Variants in PCDHA1 observed in about 807,000 individuals in gnomAD.
The protein encoded by PCDHA1 is protocadherin alpha 1, also known as protocadherin alpha-1.
In PCDHA1, 42 loss-of-function variants were observed where a neutral mutation model predicts 61.3. That is an observed-to-expected ratio of 0.69 (90% confidence interval 0.54 to 0.89). PCDHA1 has a LOEUF of 0.89. Among genes scored for constraint, PCDHA1 ranks in the 40% least tolerant of loss-of-function variants. PCDHA1 has a pLI of 0.00. For missense variants in PCDHA1, 1,256 were observed against 1,235.3 expected (o/e 1.02, Z -0.25); for synonymous variants, 610 against 553.8 (o/e 1.10, Z -1.43).
intron 1 of PCDHA1, among the ~76,000 whole-genome samples, chr5:140,953,076 T>C (rs1276914822): frequency 6.6e-6 from 1 of 152,106 alleles, no homozygotes; most frequent in East Asian, 1.9e-4. Flanking sequence ...ATCTCCAACA[T>C]TGGGGATTAC....
intron 1 of PCDHA1, chr5:140,821,762 G>C: frequency 6.3e-7 from 1 of 1,588,934 alleles, no homozygotes; most frequent in Non-Finnish European, 8.6e-7. Flanking sequence ...GCTCATAATT[G>C]GAACGAGATT....
Position 140,928,034 on chromosome 5 carries a change from G to T in PCDHA1, c.2395-50915G>T. 3 of 1,614,206 alleles carry T rather than the reference G, an allele frequency of 1.9e-6. No homozygotes were observed. Among genetic ancestry groups the T allele is most frequent in the Non-Finnish European group, 2.5e-6 (3 of 1,180,036 alleles). Reference sequence around the variant, plus strand: ...GGTAGGGTCATTTGTGGCATGTCTAGTGCAGGCCCTTTTCAGCTGACGGCT... The same window carrying T: ...GGTAGGGTCATTTGTGGCATGTCTATTGCAGGCCCTTTTCAGCTGACGGCT... On this transcript the variant is annotated intron_variant, in intron 1 of 3. Transcript: ENST00000504120.
At position 140,786,303 on chromosome 5, in the gene PCDHA1, A is replaced by G. The variant is rs781856716; in HGVS notation, c.13A>G (p.Arg5Gly). The G allele has an allele frequency of 1.9e-6, 3 of 1,606,154 alleles. No homozygotes were observed. The highest frequency in any genetic ancestry group is 2.6e-6 in the Non-Finnish European group (3 of 1,176,140). MVFS[R>G]RGGLGARDLL... is the part of the protein sequence containing the mutation. ...TAGTCCTTTTGCAATGGTGTTTTCT[A>G]GGAGAGGGGGCCTGGGAGCCCGGGA... Residue 5 changes from arginine to glycine, a missense_variant, in exon 1 of 4, where the codon AGG (arginine) becomes GGG (glycine). Coordinates refer to ENST00000504120, the MANE Select transcript of PCDHA1 (RefSeq NM_018900.4).
At chr5:140,927,956 C>G in intron 1 of PCDHA1, 1 of 1,614,224 alleles carries the variant, frequency 6.2e-7, no homozygotes. Flanking sequence ...GACGCTGCCC[C>G]TGGCACAGTG....
At chr5:140,871,659 T>C (rs2153275031) in intron 1 of PCDHA1, 1 of 1,218,398 alleles carries the variant, frequency 8.2e-7, no homozygotes, top group Non-Finnish European at 1.1e-6. Context: ...GATACACATC[T>C]TCAGTCTTTT....
intron 1 of PCDHA1, among the ~76,000 whole-genome samples, chr5:140,948,792 T>C (rs1215416836): frequency 6.6e-6 from 1 of 151,646 alleles, no homozygotes; most frequent in Non-Finnish European, 1.5e-5. Context: ...TTTGTTGATA[T>C]ATTTTCTATT....
At chr5:140,892,349 T>C (rs1266203354) in intron 1 of PCDHA1, among the ~76,000 whole-genome samples, 2 of 152,248 alleles carry the variant, frequency 1.3e-5, no homozygotes, top group Admixed American at 6.5e-5. Context: ...TAATTGACTT[T>C]TGCCAGGCAT....
At chr5:140,799,914 T>G (rs1581635335) in intron 1 of PCDHA1, among the ~76,000 whole-genome samples, 1 of 152,140 alleles carries the variant, frequency 6.6e-6, no homozygotes, top group East Asian at 1.9e-4. Context: ...GCGGCGAGAA[T>G]TCATGCTTCT....
At chr5:140,862,999 C>T (rs547997534) in intron 1 of PCDHA1, 28 of 550,142 alleles carry the variant, frequency 5.1e-5, no homozygotes, top group African/African-American at 4.9e-4. Context: ...GCACGGTGGA[C>T]TCCAGCTATG....
intron 1 of PCDHA1, among the ~76,000 whole-genome samples, chr5:140,845,100 T>G (rs1393397461): frequency 1.3e-5 from 2 of 149,736 alleles, no homozygotes; most frequent in Non-Finnish European, 3.0e-5. Flanking sequence ...TACAGTTCTC[T>G]TAATGCCTGT....
chr5:140,861,756 T>C (rs1158733756), intron 1 of PCDHA1: 1 of 108,868 alleles, frequency 9.2e-6, no homozygotes, highest in Non-Finnish European at 1.9e-5. Context: ...AATGATTATT[T>C]TTCCCTGGAA....
intron 1 of PCDHA1, chr5:140,852,361 T>A (rs1235352793): frequency 4.9e-6 from 1 of 205,518 alleles, no homozygotes; most frequent in East Asian, 1.9e-4. Context: ...CACTGCAACG[T>A]CTGCCTCCTG....
At position 140,787,431 on chromosome 5, in the gene PCDHA1, G is replaced by A; in HGVS notation, c.1141G>A (p.Ala381Thr). 6.2e-7 allele frequency: 1 copy of A among 1,614,218 alleles called. No homozygotes were observed. The highest frequency in any genetic ancestry group is 8.5e-7 in the Non-Finnish European group (1 of 1,180,026). ...LITVSDRDSG[A>T]NGQVTCSLMP... ...CACCGTGTCTGACCGTGACTCAGGT[G>A]CCAACGGGCAGGTGACTTGCTCCTT... Residue 381 changes from alanine (A) to threonine (T), a missense_variant, in exon 1 of 4, where the codon GCC becomes ACC. Coordinates refer to ENST00000504120, the MANE Select transcript of PCDHA1 (RefSeq NM_018900.4).
intron 1 of PCDHA1, chr5:140,853,754 A>G: frequency 1.0e-6 from 1 of 988,728 alleles, no homozygotes; most frequent in Non-Finnish European, 1.2e-6. Context: ...TCAAGGCTCC[A>G]CCTCAGAAAT....
rs1298083559 is a variant in PCDHA1, at chr5:140,858,734, T to C, written c.2394+70050T>C. ...ATAGGTTGCAGTTCTGACGATTTAC[T>C]TTCATAATCACTTTTCGTTACAAAT... On this transcript the variant is annotated intron_variant, in intron 1 of 3. Coordinates refer to ENST00000504120, the MANE Select transcript of PCDHA1 (RefSeq NM_018900.4). The C allele has an allele frequency of 1.7e-5, 8 of 476,746 alleles. 1 individual carries two copies. Among genetic ancestry groups the C allele is most frequent in the East Asian group, 3.2e-5 (1 of 30,834 alleles). 29.5% of individuals were successfully genotyped at this position (476,746 alleles called of 1,614,324 possible).
At chr5:140,829,687 G>A (rs2150172545) in intron 1 of PCDHA1, 3 of 1,613,340 alleles carry the variant, frequency 1.9e-6, no homozygotes, top group East Asian at 2.2e-5. Flanking sequence ...AGCTGCTGCA[G>A]TTTCAGGTGA....
At chr5:140,878,107 A>G in intron 1 of PCDHA1, 1 of 256,418 alleles carries the variant, frequency 3.9e-6, no homozygotes, top group Non-Finnish European at 7.2e-6. Context: ...AACCTTGAAA[A>G]AAACAGTATA....
intron 1 of PCDHA1, among the ~76,000 whole-genome samples, chr5:140,936,995 A>G (rs2091251299): frequency 6.6e-6 from 1 of 151,864 alleles, no homozygotes; most frequent in Non-Finnish European, 1.5e-5. Flanking sequence ...CATTGACAAT[A>G]TTGAGACAGA....
At chr5:140,861,759 C>T (rs2047064113) in intron 1 of PCDHA1, 1 of 93,332 alleles carries the variant, frequency 1.1e-5, no homozygotes, top group Non-Finnish European at 2.2e-5. Context: ...GATTATTTTT[C>T]CCTGGAAATA....
Sources: gnomAD v4.1 joint callset for allele counts (sites outside exome capture counted in the v4.1 genomes callset) on GRCh38, gnomAD v4.1.1 for gene constraint, MANE v1.5 for transcripts, NCBI Gene and HGNC (gene_info 2026-07-23, HGNC 2026-07-21) for gene names.